Variants in CELSR1 observed in about 807,000 individuals in gnomAD.
CELSR1 encodes cadherin EGF LAG seven-pass G-type receptor 1, also known as adhesion G protein-coupled receptor C1.
A neutral mutation model predicts 249.1 loss-of-function variants in CELSR1; 110 were observed. That is an observed-to-expected ratio of 0.44 (90% confidence interval 0.38 to 0.52). The LOEUF is 0.52. Among genes scored for constraint, CELSR1 ranks in the 20% least tolerant of loss-of-function variants. CELSR1 has a pLI of 0.00. For synonymous variants in CELSR1, 2,113 were observed against 1,900.0 expected (o/e 1.11, Z -2.92); for missense variants, 4,109 against 4,296.4 (o/e 0.96, Z 1.22).
chr22:46,410,656 C>T lies in CELSR1; in HGVS notation c.4770-95G>A. ...AGTTGCCTCTGTGTAGCCTCTACCA[C>T]CATAACTACTTCAGAAACCAAGCAG... is the stretch of plus-strand genomic sequence containing the variant. On this transcript the variant is annotated intron_variant, in intron 6 of 34. Transcript: ENST00000674500. The surrounding 1 kb of genome is among the most constrained non-coding windows in gnomAD (Gnocchi z 6.8). 2.3e-6 allele frequency: 3 copies of T among 1,284,972 alleles called. No individual in the cohort carries two copies. The highest frequency in any genetic ancestry group is 3.9e-4 in the Middle Eastern group (2 of 5,122). The allele number at this position is 1,284,972 out of a possible 1,614,324, so 79.6% of individuals were successfully genotyped here.
intron 5 of CELSR1, among the ~76,000 whole-genome samples, chr22:46,414,364 T>C (rs1196493878): frequency 6.6e-6 from 1 of 152,220 alleles, no homozygotes; most frequent in Non-Finnish European, 1.5e-5. Context: ...GCAGGAGGGC[T>C]GCACAGAGGA....
chr22:46,481,232 G>A, intron 1 of CELSR1: 1 of 327,796 alleles, frequency 3.1e-6, no homozygotes, highest in Non-Finnish European at 5.6e-6. Context: ...GAAAGAACAA[G>A]ACCATGTCTC....
Position 46,377,070 on chromosome 22 carries a change from C to A in CELSR1, c.7575G>T (p.Thr2525=). The A allele has an allele frequency of 6.2e-7, 1 of 1,613,088 alleles. No individual in the cohort carries two copies. The highest frequency in any genetic ancestry group is 8.5e-7 in the Non-Finnish European group (1 of 1,179,836). Residue 2525 remains threonine (T), a synonymous_variant, in exon 24 of 35, where the codon ACG becomes ACT. Transcript: ENST00000674500. ...QLVFVIGINQ[T]ENPFLCTVVA... ...AGCAGAGTGGCCATACCGGGTTTTCCGTCTGGTTGATCCCAATCACGAACA... is the reference window on the plus strand; with the variant it reads ...AGCAGAGTGGCCATACCGGGTTTTCAGTCTGGTTGATCCCAATCACGAACA...
At chr22:46,460,980 A>C (rs1300314155) in intron 2 of CELSR1, among the ~76,000 whole-genome samples, 2 of 152,152 alleles carry the variant, frequency 1.3e-5, no homozygotes, top group African/African-American at 4.8e-5. Flanking sequence ...GCAACACAAG[A>C]AGCCAGGGGC....
Position 46,394,292 on chromosome 22 carries a change from G to C in CELSR1, c.5844-30C>G, listed in dbSNP as rs762257978. ...GGGGAAAATAAGAGGGCAGCTGGAA[G>C]GTTTATGTAACTGTGCTTTCTGGAA... On this transcript the variant is annotated intron_variant, in intron 13 of 34. Coordinates refer to ENST00000674500, the MANE Select transcript of CELSR1 (RefSeq NM_001378328.1). 7 of 1,602,476 alleles carry C rather than the reference G, an allele frequency of 4.4e-6. No individual in the cohort carries two copies. In the South Asian group the frequency reaches 7.8e-5, roughly 18 times the overall value.
rs1017881881 is a variant in CELSR1, at chr22:46,464,575, C to A, written c.3545-230G>T. On this transcript the variant is annotated intron_variant, in intron 1 of 34. Transcript: ENST00000674500. This position sits in a 1 kb window ranked among gnomAD's most constrained non-coding sequence, Gnocchi z 8.5. The stretch of plus-strand genomic sequence containing the variant: ...GACCCTCCCTCCTCCGGCACCCTAA[C>A]CCCTGCCCTGGCTTCCTAAAGCACA... Among the ~76,000 whole-genome samples, 1 of 152,096 alleles carries A rather than the reference C, an allele frequency of 6.6e-6. No individual in the cohort carries two copies.
At chr22:46,419,099 C>T (rs1300344672) in intron 5 of CELSR1, among the ~76,000 whole-genome samples, 2 of 152,164 alleles carry the variant, frequency 1.3e-5, no homozygotes, top group East Asian at 1.9e-4. Flanking sequence ...CCAAAGCCCC[C>T]AGTTCCATGG....
rs1187951973 is a variant in CELSR1, at chr22:46,390,318, CCACA to C, written c.6345+70_6345+73del. ...CACTCCCCAGCCCAGGAGCCTCGGCCCACACAAACTCTCTCACGCATACACGAAC... is the reference window on the plus strand; with the variant it reads ...CACTCCCCAGCCCAGGAGCCTCGGCCCAAACTCTCTCACGCATACACGAAC... On this transcript the variant is annotated intron_variant, in intron 17 of 34. Coordinates refer to ENST00000674500, the MANE Select transcript of CELSR1 (RefSeq NM_001378328.1). The surrounding 1 kb of genome is among the most constrained non-coding windows in gnomAD (Gnocchi z 6.3). 6 of 1,244,626 alleles carry C rather than the reference CCACA, an allele frequency of 4.8e-6. No homozygotes were observed. The African/African-American group carries it at 7.7e-5, about 16-fold the overall frequency. 77.1% of individuals were successfully genotyped at this position (1,244,626 alleles called of 1,614,324 possible).
chr22:46,375,625 C>T (rs1002258640), intron 24 of CELSR1, among the ~76,000 whole-genome samples: 11 of 150,814 alleles, frequency 7.3e-5, no homozygotes, highest in African/African-American at 2.2e-4. Context: ...CTCACTGCAA[C>T]CTCTGCCTCC....
In CELSR1 at chr22:46,390,433, A is replaced by G. The variant is rs750932863; in HGVS notation, c.6304T>C (p.Phe2102Leu). The change falls in exon 17 of 35, where the codon TTT becomes CTT. Residue 2102 changes from phenylalanine (F) to leucine (L), a missense_variant. Around this residue, in one of 7 missense-constraint regions of CELSR1, gnomAD observed 1,805 missense variants for 1,831.6 expected, o/e 0.99. Transcript: ENST00000674500. The surrounding 1 kb of genome is among the most constrained non-coding windows in gnomAD (Gnocchi z 6.3). Reference sequence around the variant, plus strand: ...ACGAAGGAGATGGTGGTACAGTTAAAGAGCTCTGGGGGCAGCCAGCCCTTC... The same window carrying G: ...ACGAAGGAGATGGTGGTACAGTTAAGGAGCTCTGGGGGCAGCCAGCCCTTC... The part of the protein sequence containing the change: ...GEKGWLPPEL[F>L]NCTTISFVDL... 1.9e-6 allele frequency: 3 copies of G among 1,613,972 alleles called. No homozygotes were observed. Among genetic ancestry groups the G allele is most frequent in the Non-Finnish European group, 2.5e-6 (3 of 1,179,980 alleles).
rs759289094 is a variant in CELSR1, at chr22:46,410,533, G to A, written c.4798C>T (p.Leu1600=). 1 of 1,614,040 alleles carries A rather than the reference G, an allele frequency of 6.2e-7. No individual in the cohort carries two copies. Residue 1600 remains leucine (L), a synonymous_variant, in exon 7 of 35, where the codon CTG becomes TTG. Transcript: ENST00000674500. This position sits in a 1 kb window ranked among gnomAD's most constrained non-coding sequence, Gnocchi z 6.8. The stretch of plus-strand genomic sequence containing the variant: ...TCTGGCAGGTTGGGGACACCCCCCA[G>A]GAGTAGAGGGCCGGTCAGATCCAGG... ...KSLDLTGPLL[L]GGVPNLPEDF...
At position 46,535,046 on chromosome 22, in the gene CELSR1, G is replaced by T; in HGVS notation, c.2125C>A (p.Leu709Met). 6.2e-7 allele frequency: 1 copy of T among 1,612,522 alleles called. No individual in the cohort carries two copies. Residue 709 changes from leucine to methionine, a missense_variant, in exon 1 of 35, where the codon CTG (leucine) becomes ATG (methionine). Coordinates refer to ENST00000674500, the MANE Select transcript of CELSR1 (RefSeq NM_001378328.1). ...TTGGCGTCACGGTCGCGGGCCTGCAGGGTCAGCACGCTGCTCCCCACGGCC... is the reference window on the plus strand; with the variant it reads ...TTGGCGTCACGGTCGCGGGCCTGCATGGTCAGCACGCTGCTCCCCACGGCC... The part of the protein sequence containing the change: ...DAAVGSSVLT[L>M]QARDRDANSV...
rs929262640 is a variant in CELSR1, at chr22:46,409,544, G to C, written c.5059+211C>G. ...AGCCTACCTGTCCCACCCCACACCT[G>C]AGGGACTGGGGACCCCAGAAGCAGG... On this transcript the variant is annotated intron_variant, in intron 8 of 34. Coordinates refer to ENST00000674500, the MANE Select transcript of CELSR1 (RefSeq NM_001378328.1). The surrounding 1 kb of genome is among the most constrained non-coding windows in gnomAD (Gnocchi z 9.8). 2.0e-5 allele frequency among the ~76,000 whole-genome samples: 3 copies of C among 152,142 alleles called. No homozygotes were observed. The highest frequency in any genetic ancestry group is 2.9e-5 in the Non-Finnish European group (2 of 68,022).
At chr22:46,366,903 G>A (rs893739997) in intron 29 of CELSR1, 90 bp downstream of exon 29, 26 of 1,485,314 alleles carry the variant, frequency 1.8e-5, no homozygotes, top group Middle Eastern at 2.4e-4. Context: ...CATACGGGCC[G>A]CAGGACTGGG....
In CELSR1 at chr22:46,398,520, G is replaced by T; in HGVS notation, c.5526+4C>A. The T allele has an allele frequency of 8.5e-7, 1 of 1,169,654 alleles. No homozygotes were observed. The highest frequency in any genetic ancestry group is 1.3e-6 in the Non-Finnish European group (1 of 795,852). 72.5% of individuals were successfully genotyped at this position (1,169,654 alleles called of 1,614,324 possible). A position where few individuals can be genotyped will look rare whatever the true frequency, so the allele number is the denominator to read the frequency against. On this transcript the variant is annotated splice_donor_region_variant and intron_variant, in intron 11 of 34. Coordinates refer to ENST00000674500, the MANE Select transcript of CELSR1 (RefSeq NM_001378328.1). The surrounding 1 kb of genome is among the most constrained non-coding windows in gnomAD (Gnocchi z 7.2). ...TCCCCCCGCCCCCCACAACCCCCAC[G>T]CACCTGCATGCAGCCTCGGAATCCA...
At chr22:46,451,308 G>A (rs2079881748) in intron 2 of CELSR1, among the ~76,000 whole-genome samples, 1 of 152,236 alleles carries the variant, frequency 6.6e-6, no homozygotes, top group African/African-American at 2.4e-5. Flanking sequence ...GCCCGGCACT[G>A]CAGAAGCCGC....
In CELSR1 at chr22:46,445,623, A is replaced by G. The variant is rs1458093544; in HGVS notation, c.4184-6212T>C. 6.6e-6 allele frequency among the ~76,000 whole-genome samples: 1 copy of G among 152,192 alleles called. No individual in the cohort carries two copies. The highest frequency in any genetic ancestry group is 1.5e-5 in the Non-Finnish European group (1 of 68,034). On this transcript the variant is annotated intron_variant, in intron 2 of 34. Coordinates refer to ENST00000674500, the MANE Select transcript of CELSR1 (RefSeq NM_001378328.1). This position sits in a 1 kb window ranked among gnomAD's most constrained non-coding sequence, Gnocchi z 4.4. ...TTTCCAACTGAGGTCTCATTCTGAG[A>G]GTCTGTGTGGACAAGGATTTTGGGA...
At chr22:46,456,787 A>G (rs1012276137) in intron 2 of CELSR1, among the ~76,000 whole-genome samples, 79 of 150,806 alleles carry the variant, frequency 5.2e-4, no homozygotes, top group African/African-American at 1.8e-3. Context: ...CCATGAGCAC[A>G]CAGGTGATTA....
rs778500158 is a variant in CELSR1 at position 46,536,224 on chromosome 22, T to G, written c.947A>C (p.Lys316Thr). 2 of 1,612,636 alleles carry G rather than the reference T, an allele frequency of 1.2e-6. No homozygotes were observed. Among genetic ancestry groups the G allele is most frequent in the South Asian group, 1.1e-5 (1 of 91,078 alleles). ...STDSVLDRET[K>T]ETHVLRVKAV... Reference sequence around the variant, plus strand: ...TTTCACCCTGAGGACGTGCGTCTCCTTGGTCTCGCGGTCCAGTACGCTGTC... The same window carrying G: ...TTTCACCCTGAGGACGTGCGTCTCCGTGGTCTCGCGGTCCAGTACGCTGTC... The change falls in exon 1 of 35, where the codon AAG becomes ACG. Residue 316 changes from lysine to threonine, a missense_variant. This residue lies in a region of CELSR1 where 673 missense variants were observed against 636.8 expected (regional missense o/e 1.06). Coordinates refer to ENST00000674500, the MANE Select transcript of CELSR1 (RefSeq NM_001378328.1).
Sources: gnomAD v4.1 joint callset for allele counts (sites outside exome capture counted in the v4.1 genomes callset) on GRCh38, gnomAD v4.1.1 for gene constraint, gnomAD v4.1.1 regional missense constraint, Gnocchi (gnomAD v3.1) non-coding constraint, MANE v1.5 for transcripts, NCBI Gene and HGNC (gene_info 2026-07-23, HGNC 2026-07-21) for gene names.